Variants in BCAT1 observed in about 807,000 individuals in gnomAD.
BCAT1 encodes the protein branched chain amino acid transaminase 1, also known as branched-chain-amino-acid aminotransferase, cytosolic.
BCAT1 carries 48 observed loss-of-function variants against 52.4 expected under a neutral mutation model. The ratio of observed to expected loss-of-function variants is 0.92; its 90% CI spans 0.73 to 1.16. The LOEUF is 1.16. Ranked by LOEUF, BCAT1 falls within the 50% of genes most tolerant of loss-of-function variation. The pLI is 0.00. For missense variants in BCAT1, 451 were observed against 457.1 expected, an observed-to-expected ratio of 0.99 and a Z score of 0.12; for synonymous variants, 167 against 161.3, an observed-to-expected ratio of 1.04 and a Z score of -0.27.
chr12:24,922,278 C>T (rs1943509513), intron 1 of BCAT1, among the ~76,000 whole-genome samples: 1 of 152,316 alleles, frequency 6.6e-6, no homozygotes, highest in African/African-American at 2.4e-5. Context: ...GATCCACCTG[C>T]CTCAGTCCCC....
intron 5 of BCAT1, among the ~76,000 whole-genome samples, chr12:24,873,556 G>C (rs1456725519): frequency 6.6e-6 from 1 of 152,048 alleles, no homozygotes; most frequent in East Asian, 1.9e-4. Flanking sequence ...TGTATTATAG[G>C]CTATACCTTA....
chr12:24,901,196 T>G (rs1175510308), intron 2 of BCAT1, among the ~76,000 whole-genome samples: 1 of 152,142 alleles, frequency 6.6e-6, no homozygotes, highest in Admixed American at 6.5e-5. Context: ...TCTGTGTCAA[T>G]TGTCTGATGA....
chr12:24,841,764 C>T (rs1004119662), intron 7 of BCAT1, among the ~76,000 whole-genome samples: 7 of 151,964 alleles, frequency 4.6e-5, no homozygotes, highest in East Asian at 1.9e-4. Context: ...CAAAAATTAG[C>T]TGGGCATGGT....
At chr12:24,942,848 T>C (rs1943869403) in intron 1 of BCAT1, among the ~76,000 whole-genome samples, 1 of 152,256 alleles carries the variant, frequency 6.6e-6, no homozygotes, top group Non-Finnish European at 1.5e-5. Flanking sequence ...ATTCTGTAAC[T>C]ATACACCTTA....
chr12:24,925,003 C>T (rs963674519), intron 1 of BCAT1, among the ~76,000 whole-genome samples: 2 of 152,172 alleles, frequency 1.3e-5, no homozygotes, highest in Non-Finnish European at 2.9e-5. Context: ...AACAGTAGTT[C>T]TTTCATCTCT....
rs1251259596 is a variant in BCAT1 at position 24,948,939 on chromosome 12, G to A, written c.-7C>T. On this transcript the variant is annotated 5_prime_UTR_variant, in exon 1 of 11. It adds an upstream start codon to the 5' untranslated region. Coordinates refer to ENST00000261192, the MANE Select transcript of BCAT1 (RefSeq NM_005504.7). ...CATAAGTAGTTACCTTCATTGTTCCGTCGGCCACGAGGGAAGCTCGAGCTG... is the reference window on the plus strand; with the variant it reads ...CATAAGTAGTTACCTTCATTGTTCCATCGGCCACGAGGGAAGCTCGAGCTG... 2.5e-6 allele frequency: 4 copies of A among 1,595,640 alleles called. No individual in the cohort carries two copies. The highest frequency in any genetic ancestry group is 3.4e-6 in the Non-Finnish European group (4 of 1,170,998).
chr12:24,843,771 G>C (rs564002983), intron 6 of BCAT1, among the ~76,000 whole-genome samples: 3 of 152,084 alleles, frequency 2.0e-5, no homozygotes, highest in African/African-American at 7.2e-5. Flanking sequence ...TGACAATATA[G>C]CATCTTGCCC....
chr12:24,924,408 G>A (rs2139728130), intron 1 of BCAT1, among the ~76,000 whole-genome samples: 1 of 152,296 alleles, frequency 6.6e-6, no homozygotes, highest in South Asian at 2.1e-4. Flanking sequence ...TTTAAAAGGA[G>A]AAAATGTCCC....
At chr12:24,912,936 T>A (rs949025110) in intron 1 of BCAT1, among the ~76,000 whole-genome samples, 1 of 152,208 alleles carries the variant, frequency 6.6e-6, no homozygotes, top group African/African-American at 2.4e-5. Context: ...TTGATCATAA[T>A]TTTATGTGAC....
At chr12:24,932,749 G>A (rs547484016) in intron 1 of BCAT1, among the ~76,000 whole-genome samples, 14 of 152,250 alleles carry the variant, frequency 9.2e-5, no homozygotes. Flanking sequence ...TGATTCTCCT[G>A]CCTCAGCCTC....
At chr12:24,886,934 G>A (rs1041085836) in intron 3 of BCAT1, among the ~76,000 whole-genome samples, 13 of 149,460 alleles carry the variant, frequency 8.7e-5, no homozygotes, top group African/African-American at 3.0e-4. Context: ...ATAGTGGCAC[G>A]TGCCTGTAAT....
At chr12:24,819,289 T>C (rs1403925474) in intron 10 of BCAT1, among the ~76,000 whole-genome samples, 1 of 152,130 alleles carries the variant, frequency 6.6e-6, no homozygotes, top group African/African-American at 2.4e-5. Flanking sequence ...ACTCAGACTA[T>C]GTCTATTTTC....
At chr12:24,899,554 A>T (rs1215791954) in intron 2 of BCAT1, among the ~76,000 whole-genome samples, 2 of 152,228 alleles carry the variant, frequency 1.3e-5, no homozygotes, top group Non-Finnish European at 2.9e-5. Context: ...AGGAAAGGAA[A>T]TCAGTATATC....
At chr12:24,832,908 G>T (rs1344255470) in intron 8 of BCAT1, 45 bp from the exon 9 acceptor site, 2 of 1,541,984 alleles carry the variant, frequency 1.3e-6, no homozygotes, top group Admixed American at 1.9e-5. Context: ...AAAGGAAAAG[G>T]CATGCAAAAC....
Position 24,849,961 on chromosome 12 carries a change from T to C in BCAT1, c.511-12A>G, listed in dbSNP as rs1401221809. 5.0e-6 allele frequency: 8 copies of C among 1,597,366 alleles called. No homozygotes were observed. Among genetic ancestry groups the C allele is most frequent in the Non-Finnish European group, 6.8e-6 (8 of 1,168,662 alleles). ...ACTCCAAGAGAAGGCTGCAACAAAG[T>C]AGAAGTACATACAACTGTAACTTAA... is the stretch of plus-strand genomic sequence containing the variant. On this transcript the variant is annotated splice_polypyrimidine_tract_variant and intron_variant, in intron 5 of 10. Transcript: ENST00000261192.
intron 10 of BCAT1, among the ~76,000 whole-genome samples, chr12:24,825,470 T>G (rs1425073920): frequency 6.6e-6 from 1 of 152,054 alleles, no homozygotes; most frequent in African/African-American, 2.4e-5. Context: ...CCTGTTTTTT[T>G]TTTTTTTTTT....
chr12:24,852,390 AAT>A (rs1157716641), intron 5 of BCAT1, among the ~76,000 whole-genome samples: 8 of 151,482 alleles, frequency 5.3e-5, no homozygotes, highest in African/African-American at 9.7e-5. Flanking sequence ...TAAGTTTCTG[AAT>A]AGAATAGCTT....
chr12:24,887,111 A>ATATAT (rs1942702628), intron 3 of BCAT1, among the ~76,000 whole-genome samples: 8 of 127,208 alleles, frequency 6.3e-5, no homozygotes, highest in Non-Finnish European at 1.2e-4. Context: ...ATATATATAT[A>ATATAT]AAGCTGATAA....
At chr12:24,858,933 G>C (rs1941770020) in intron 5 of BCAT1, among the ~76,000 whole-genome samples, 1 of 152,126 alleles carries the variant, frequency 6.6e-6, no homozygotes, top group South Asian at 2.1e-4. Context: ...AAGAAATTCT[G>C]TGTGTTAAAA....
Sources: gnomAD v4.1 joint callset for allele counts (sites outside exome capture counted in the v4.1 genomes callset) on GRCh38, gnomAD v4.1.1 for gene constraint, MANE v1.5 for transcripts, NCBI Gene and HGNC (gene_info 2026-07-23, HGNC 2026-07-21) for gene names.